The following KLHL18 variants were observed in gnomAD, a reference collection of about 807,000 sequenced individuals.
KLHL18 encodes kelch-like protein 18.
In KLHL18, 38 loss-of-function variants were observed where a neutral mutation model predicts 58.5. The ratio of observed to expected loss-of-function variants is 0.65; its 90% CI spans 0.50 to 0.85. The LOEUF (loss-of-function observed/expected upper bound fraction) is 0.85. KLHL18 is among the 40% of genes least tolerant of loss of function. The pLI is 0.00. For missense variants in KLHL18, 624 were observed against 778.4 expected, an observed-to-expected ratio of 0.80 and a Z score of 2.36; for synonymous variants, 303 against 301.9, an observed-to-expected ratio of 1.00 and a Z score of -0.04.
At chr3:47,294,965 G>A (rs1702866803) in intron 1 of KLHL18, among the ~76,000 whole-genome samples, 1 of 151,646 alleles carries the variant, frequency 6.6e-6, no homozygotes, top group East Asian at 1.9e-4. Context: ...AAACTTGTCA[G>A]CGGAGCCGTG....
At chr3:47,327,031 T>C (rs528705135) in intron 3 of KLHL18, among the ~76,000 whole-genome samples, 37 of 149,878 alleles carry the variant, frequency 2.5e-4, no homozygotes, top group African/African-American at 8.9e-4. Context: ...CTGAGGTCAG[T>C]AGTTGGAGAC....
At position 47,318,499 on chromosome 3, in the gene KLHL18, C is replaced by T. The variant is rs932251602; in HGVS notation, c.130-1154C>T. ...ATTCTGTTGGTCACATAGACCAACC[C>T]TGACATGTTGTGGGAGGGGACTGCA... On this transcript the variant is annotated intron_variant, in intron 1 of 9. Transcript: ENST00000232766. Among the ~76,000 whole-genome samples the T allele has an allele frequency of 3.2e-4, 48 of 152,122 alleles. 1 individual carries two copies. Among genetic ancestry groups the T allele is most frequent in the Non-Finnish European group, 1.5e-5 (1 of 68,030 alleles).
intron 1 of KLHL18, among the ~76,000 whole-genome samples, chr3:47,318,559 G>A (rs1251633015): frequency 6.6e-6 from 1 of 152,074 alleles, no homozygotes; most frequent in Non-Finnish European, 1.5e-5. Flanking sequence ...GCATTTACTG[G>A]GAGCTATTTA....
At chr3:47,288,880 C>T (rs1197554984) in intron 1 of KLHL18, among the ~76,000 whole-genome samples, 5 of 152,216 alleles carry the variant, frequency 3.3e-5, no homozygotes, top group Non-Finnish European at 5.9e-5. Context: ...GCTCTCATCC[C>T]TTCTTCCCAG....
chr3:47,292,065 C>T (rs1702802038), intron 1 of KLHL18, among the ~76,000 whole-genome samples: 1 of 152,300 alleles, frequency 6.6e-6, no homozygotes, highest in African/African-American at 2.4e-5. Context: ...AACAGACAGT[C>T]TGTGTTCAGG....
In KLHL18 at chr3:47,319,715, T is replaced by C; in HGVS notation, c.192T>C (p.His64=). The change falls in exon 2 of 10, where the codon CAT becomes CAC. Residue 64 remains histidine (H), a synonymous_variant. Transcript: ENST00000232766. ...IVLAASIPYF[H]AMFTNDMMEC... is the part of the protein sequence containing the mutation. The stretch of plus-strand genomic sequence containing the variant: ...TAGCAGCCTCGATCCCGTATTTCCA[T>C]GCTATGTTTACAAATGACATGATGG... 1 of 1,614,072 alleles carries C rather than the reference T, an allele frequency of 6.2e-7. No individual in the cohort carries two copies. The highest frequency in any genetic ancestry group is 8.5e-7 in the Non-Finnish European group (1 of 1,179,940).
intron 1 of KLHL18, among the ~76,000 whole-genome samples, chr3:47,315,685 C>G (rs1190397804): frequency 6.6e-6 from 1 of 152,170 alleles, no homozygotes; most frequent in East Asian, 1.9e-4. Flanking sequence ...ACAAGCCTAC[C>G]CCCTAGCCAA....
chr3:47,328,048 G>C (rs960575297), intron 3 of KLHL18, among the ~76,000 whole-genome samples: 1 of 152,052 alleles, frequency 6.6e-6, no homozygotes, highest in Non-Finnish European at 1.5e-5. Context: ...GGCTCGTTTG[G>C]AATTTTCTTA....
chr3:47,305,054 TA>T (rs1703110904), intron 1 of KLHL18, among the ~76,000 whole-genome samples: 1 of 151,838 alleles, frequency 6.6e-6, no homozygotes, highest in African/African-American at 2.4e-5. Flanking sequence ...AAAAAACCCA[TA>T]ATGTCATCAG....
chr3:47,305,046 AAAACCC>A (rs1703110200), intron 1 of KLHL18, among the ~76,000 whole-genome samples: 1 of 151,976 alleles, frequency 6.6e-6, no homozygotes, highest in African/African-American at 2.4e-5. Context: ...AAGAAAGAAA[AAAACCC>A]ATAATGTCAT....
In KLHL18 at chr3:47,304,467, C is replaced by G. The variant is rs907377831; in HGVS notation, c.130-15186C>G. The stretch of plus-strand genomic sequence containing the variant: ...ATAGTGAGCTACGATTATGCCACTG[C>G]ACTCTAGCCTGGGCAACAGAGCAAG... On this transcript the variant is annotated intron_variant, in intron 1 of 9. Transcript: ENST00000232766. Among the ~76,000 whole-genome samples, 2 of 152,108 alleles carry G rather than the reference C, an allele frequency of 1.3e-5. 1 individual carries two copies.
Position 47,343,777 on chromosome 3 carries a change from G to C in KLHL18, c.1561G>C (p.Ala521Pro), listed in dbSNP as rs144028569. 2 of 1,614,224 alleles carry C rather than the reference G, an allele frequency of 1.2e-6. No homozygotes were observed. Among genetic ancestry groups the C allele is most frequent in the South Asian group, 2.2e-5 (2 of 91,088 alleles). The change falls in exon 10 of 10, where the codon GCC becomes CCC. Residue 521 changes from alanine to proline, a missense_variant. Coordinates refer to ENST00000232766, the MANE Select transcript of KLHL18 (RefSeq NM_025010.5). ...HTRRSRVSLV[A>P]SCGRLYAVGG... ...GCGCAGGAGCCGGGTCTCCCTGGTG[G>C]CCAGCTGTGGGCGCCTCTACGCTGT...
Position 47,282,987 on chromosome 3 carries a change from G to A in KLHL18, c.22G>A (p.Glu8Lys). The change falls in exon 1 of 10, where the codon GAG becomes AAG. Residue 8 changes from glutamate (E) to lysine (K), a missense_variant. Transcript: ENST00000232766. MVEDGAEELEDLVHFSVS... is the reference protein window; with the variant it reads MVEDGAEKLEDLVHFSVS... ...GAAGATGGTGGAGGACGGCGCGGAGGAGCTGGAGGATCTGGTGCACTTCTC... is the reference window on the plus strand; with the variant it reads ...GAAGATGGTGGAGGACGGCGCGGAGAAGCTGGAGGATCTGGTGCACTTCTC... 3 of 1,611,218 alleles carry A rather than the reference G, an allele frequency of 1.9e-6. No individual in the cohort carries two copies. Among genetic ancestry groups the A allele is most frequent in the African/African-American group, 1.3e-5 (1 of 74,990 alleles).
At chr3:47,303,067 G>T (rs896085335) in intron 1 of KLHL18, among the ~76,000 whole-genome samples, 4 of 152,160 alleles carry the variant, frequency 2.6e-5, no homozygotes, top group Admixed American at 6.5e-5. Context: ...CCATATTCAT[G>T]ATCTCTTCCA....
intron 1 of KLHL18, among the ~76,000 whole-genome samples, chr3:47,295,942 G>A (rs1189524954): frequency 2.0e-5 from 3 of 152,160 alleles, no homozygotes; most frequent in African/African-American, 4.8e-5. Flanking sequence ...GTGGGGGGTT[G>A]TGTGAAGTCC....
intron 4 of KLHL18, among the ~76,000 whole-genome samples, chr3:47,331,977 G>A (rs1703874647): frequency 6.6e-6 from 1 of 152,136 alleles, no homozygotes. Flanking sequence ...AGGGACGGGG[G>A]ACAGGTAGAT....
Position 47,306,786 on chromosome 3 carries a change from A to G in KLHL18, c.130-12867A>G, listed in dbSNP as rs145276801. ...AAGAGCTCTTCTGTCCATCCACATC[A>G]TCATCAGCTTTGGGTATTATTGGAC... On this transcript the variant is annotated intron_variant, in intron 1 of 9. Transcript: ENST00000232766. Among the ~76,000 whole-genome samples, 350 of 152,282 alleles carry G rather than the reference A, an allele frequency of 2.3e-3. 1 individual carries two copies. Among genetic ancestry groups the G allele is most frequent in the Middle Eastern group, 0.014 (4 of 294 alleles).
At chr3:47,342,968 T>C (rs1704142974) in intron 9 of KLHL18, 138 bp downstream of exon 9, 1 of 652,922 alleles carries the variant, frequency 1.5e-6, no homozygotes, top group Admixed American at 2.8e-5. Flanking sequence ...GGCTATCCAC[T>C]GCACCTTCTG....
chr3:47,342,743 C>T lies in KLHL18; in HGVS notation c.1251C>T (p.Ser417=). Residue 417 remains serine (S), a synonymous_variant, in exon 9 of 10, where the codon AGC becomes AGT. Transcript: ENST00000232766. ...TDKWTVVTSM[S]SNRSAAGVTV... ...GATGGACAGTGGTGACCTCGATGAG[C>T]TCGAATCGCAGTGCTGCTGGGGTTA... The T allele has an allele frequency of 6.2e-7, 1 of 1,614,116 alleles. No homozygotes were observed. Among genetic ancestry groups the T allele is most frequent in the African/African-American group, 1.3e-5 (1 of 75,032 alleles).
Sources: gnomAD v4.1 joint callset for allele counts (sites outside exome capture counted in the v4.1 genomes callset) on GRCh38, gnomAD v4.1.1 for gene constraint, MANE v1.5 for transcripts, NCBI Gene and HGNC (gene_info 2026-07-23, HGNC 2026-07-21) for gene names.